Variants in ARHGAP24 observed in about 807,000 individuals in gnomAD.
The protein encoded by ARHGAP24 is rho GTPase-activating protein 24.
Under a neutral mutation model 76.4 loss-of-function variants are expected in ARHGAP24, and 50 were observed. That is an observed-to-expected ratio of 0.65 (90% confidence interval 0.52 to 0.83). ARHGAP24 has a LOEUF of 0.83. Among genes scored for constraint, ARHGAP24 ranks in the 40% least tolerant of loss-of-function variants. The pLI is 0.00. For synonymous variants in ARHGAP24, 345 were observed against 323.3 expected, an observed-to-expected ratio of 1.07 and a Z score of -0.72; for missense variants, 930 against 914.2, an observed-to-expected ratio of 1.02 and a Z score of -0.22.
At chr4:85,839,234 A>C (rs1185318561) in intron 3 of ARHGAP24, among the ~76,000 whole-genome samples, 1 of 152,224 alleles carries the variant, frequency 6.6e-6, no homozygotes, top group African/African-American at 2.4e-5. Context: ...GCGGCTTAAC[A>C]TAGCCCTTGC....
intron 2 of ARHGAP24, among the ~76,000 whole-genome samples, chr4:85,683,107 T>TGGGGGGGGGG (rs1310671945): frequency 1.9e-3 from 25 of 12,834 alleles, no homozygotes; most frequent in Admixed American, 4.7e-3. Context: ...TCTCTCAGTG[T>TGGGGGGGGGG]GTGGGGGGGT....
chr4:85,697,543 A>G (rs1055622259), intron 2 of ARHGAP24, among the ~76,000 whole-genome samples: 3 of 152,272 alleles, frequency 2.0e-5, no homozygotes, highest in African/African-American at 7.2e-5. Flanking sequence ...CAGTGAACAT[A>G]CTTACAATAA....
intron 5 of ARHGAP24, among the ~76,000 whole-genome samples, chr4:85,966,287 C>A (rs932966360): frequency 6.6e-6 from 1 of 152,070 alleles, no homozygotes; most frequent in Non-Finnish European, 1.5e-5. Context: ...CTTTGATGTA[C>A]GAAGAGGATA....
intron 1 of ARHGAP24, among the ~76,000 whole-genome samples, chr4:85,562,353 A>G (rs1726631617): frequency 1.3e-5 from 2 of 152,308 alleles, no homozygotes; most frequent in Admixed American, 6.5e-5. Flanking sequence ...TGTGTCTTCT[A>G]CAGAGTAGGC....
intron 6 of ARHGAP24, among the ~76,000 whole-genome samples, chr4:85,973,830 A>ATTTTTTTTTTTTTT (rs1578452367): frequency 2.7e-5 from 1 of 36,966 alleles, no homozygotes; most frequent in African/African-American, 1.6e-4. Flanking sequence ...ACTGCTGCCT[A>ATTTTTTTTTTTTTT]TTGTTTTTTT....
chr4:85,531,090 T>C (rs1034257426), intron 1 of ARHGAP24, among the ~76,000 whole-genome samples: 9 of 152,014 alleles, frequency 5.9e-5, no homozygotes, highest in Non-Finnish European at 1.3e-4. Flanking sequence ...ATGTGTTAAG[T>C]GTATCTATGG....
intron 4 of ARHGAP24, among the ~76,000 whole-genome samples, chr4:85,939,631 A>G (rs572435913): frequency 3.8e-4 from 58 of 152,286 alleles, no homozygotes; most frequent in Admixed American, 1.0e-3. Flanking sequence ...CATGTACAAG[A>G]AAGTAAAAAG....
intron 1 of ARHGAP24, among the ~76,000 whole-genome samples, chr4:85,488,518 A>G (rs1723236574): frequency 6.6e-6 from 1 of 152,156 alleles, no homozygotes; most frequent in Admixed American, 6.6e-5. Flanking sequence ...TGCTTAGAAA[A>G]CAGCTATTAC....
chr4:85,519,394 T>G (rs1724649999), intron 1 of ARHGAP24, among the ~76,000 whole-genome samples: 1 of 152,170 alleles, frequency 6.6e-6, no homozygotes, highest in African/African-American at 2.4e-5. Context: ...CAGGACTACC[T>G]GGCTCTCTCC....
At position 85,606,832 on chromosome 4, in the gene ARHGAP24, T is replaced by C. The variant is rs545885136; in HGVS notation, c.180+36111T>C. Among the ~76,000 whole-genome samples, 3 of 152,250 alleles carry C rather than the reference T, an allele frequency of 2.0e-5. No homozygotes were observed. The South Asian group carries it at 6.2e-4, about 32-fold the overall frequency. ...TTCTAGATAGAGTTAAGTGCTATGG[T>C]GAAAACTTAAACCAGCAAGGGAATA... On this transcript the variant is annotated intron_variant, in intron 2 of 9. Transcript: ENST00000395184.
intron 3 of ARHGAP24, among the ~76,000 whole-genome samples, chr4:85,901,731 A>C (rs528416561): frequency 3.7e-4 from 57 of 152,324 alleles, no homozygotes; most frequent in Non-Finnish European, 7.5e-4. Flanking sequence ...TTTATTTGCC[A>C]TACAGAAAGT....
At chr4:85,982,230 A>C (rs1259393392) in intron 8 of ARHGAP24, among the ~76,000 whole-genome samples, 1 of 151,894 alleles carries the variant, frequency 6.6e-6, no homozygotes, top group East Asian at 1.9e-4. Context: ...AAATCTTGTT[A>C]TTTGAGGAGA....
intron 4 of ARHGAP24, among the ~76,000 whole-genome samples, chr4:85,939,959 T>C (rs1736862500): frequency 6.6e-6 from 1 of 152,152 alleles, no homozygotes; most frequent in Non-Finnish European, 1.5e-5. Context: ...CATATTATTT[T>C]CTTAAATGAT....
chr4:85,802,676 C>T (rs546378258), intron 3 of ARHGAP24, among the ~76,000 whole-genome samples: 7 of 152,126 alleles, frequency 4.6e-5, no homozygotes, highest in African/African-American at 1.4e-4. Flanking sequence ...CTGTAATCCC[C>T]GCTACTCGGG....
intron 3 of ARHGAP24, among the ~76,000 whole-genome samples, chr4:85,794,029 C>T (rs1728239218): frequency 6.6e-6 from 1 of 152,194 alleles, no homozygotes. Context: ...CAGTATTTCT[C>T]ATGCTCAGAG....
intron 1 of ARHGAP24, among the ~76,000 whole-genome samples, chr4:85,534,198 T>C (rs1355430737): frequency 6.6e-6 from 1 of 152,104 alleles, no homozygotes; most frequent in Non-Finnish European, 1.5e-5. Context: ...ATGAGAAGTA[T>C]TACCAGTAAG....
chr4:85,910,664 A>G (rs2148799033), intron 3 of ARHGAP24, among the ~76,000 whole-genome samples: 1 of 152,130 alleles, frequency 6.6e-6, no homozygotes, highest in African/African-American at 2.4e-5. Flanking sequence ...TCCTGCTATT[A>G]GCAGAGAGAG....
At chr4:85,751,085 G>A (rs1726244966) in intron 3 of ARHGAP24, among the ~76,000 whole-genome samples, 1 of 152,186 alleles carries the variant, frequency 6.6e-6, no homozygotes, top group African/African-American at 2.4e-5. Flanking sequence ...AGACATATAT[G>A]TGTGTGCACA....
At chr4:85,740,050 C>T (rs1337126102) in intron 3 of ARHGAP24, among the ~76,000 whole-genome samples, 1 of 152,170 alleles carries the variant, frequency 6.6e-6, no homozygotes, top group Non-Finnish European at 1.5e-5. Flanking sequence ...TGGCCTTTCA[C>T]ACATGCTGGA....
Sources: gnomAD v4.1 joint callset for allele counts (sites outside exome capture counted in the v4.1 genomes callset) on GRCh38, gnomAD v4.1.1 for gene constraint, MANE v1.5 for transcripts, NCBI Gene and HGNC (gene_info 2026-07-23, HGNC 2026-07-21) for gene names.